Variants in RIC1 observed in about 807,000 individuals in gnomAD.
RIC1 encodes RIC1 partner of RAB6A GEF complex.
RIC1 carries 88 observed loss-of-function variants against 169.0 expected under a neutral mutation model. The ratio of observed to expected loss-of-function variants is 0.52; its 90% CI spans 0.44 to 0.62. The LOEUF (loss-of-function observed/expected upper bound fraction) is 0.62, where lower values mean the gene tolerates loss of function less well. Ranked by LOEUF, RIC1 falls within the 20% of genes least tolerant of loss-of-function variation. The pLI is 0.00. For missense variants in RIC1, 1,877 were observed against 1,725.5 expected (o/e 1.09, Z -1.56); for synonymous variants, 790 against 601.5 (o/e 1.31, Z -4.59).
chr9:5,768,824 C>T (rs958501555), intron 21 of RIC1, 146 bp from the exon 22 acceptor site: 21 of 827,992 alleles, frequency 2.5e-5, no homozygotes, highest in Non-Finnish European at 3.7e-5. Flanking sequence ...GGAGGAGAAG[C>T]GTTGATACTT....
intron 1 of RIC1, among the ~76,000 whole-genome samples, chr9:5,636,921 A>G (rs552607208): frequency 2.6e-5 from 4 of 152,324 alleles, no homozygotes; most frequent in African/African-American, 9.6e-5. Context: ...TGCCTTGTAC[A>G]AGGAAGATGT....
chr9:5,763,223 C>A lies in RIC1; in HGVS notation c.2196C>A (p.His732Gln), dbSNP rs761125996. The A allele has an allele frequency of 6.2e-7, 1 of 1,613,980 alleles. No individual in the cohort carries two copies. The highest frequency in any genetic ancestry group is 8.5e-7 in the Non-Finnish European group (1 of 1,180,026). Residue 732 changes from histidine (H) to glutamine (Q), a missense_variant, in exon 19 of 26, where the codon CAC (histidine) becomes CAA (glutamine). Coordinates refer to ENST00000414202, the MANE Select transcript of RIC1 (RefSeq NM_020829.4). This position sits in a 1 kb window ranked among gnomAD's most constrained non-coding sequence, Gnocchi z 5.2. ...GTCGAGCAAATAAACAGAAACGTCACCTTCTGGAGGCCCTCTGGCTGAGCT... is the reference window on the plus strand; with the variant it reads ...GTCGAGCAAATAAACAGAAACGTCAACTTCTGGAGGCCCTCTGGCTGAGCT... ...TTCRANKQKR[H>Q]LLEALWLSCG... is the part of the protein sequence containing the mutation.
chr9:5,646,931 T>C (rs1818547907), intron 1 of RIC1, among the ~76,000 whole-genome samples: 1 of 152,214 alleles, frequency 6.6e-6, no homozygotes, highest in African/African-American at 2.4e-5. Context: ...CTAAGAGTTT[T>C]ATAGGGTGAG....
intron 3 of RIC1, among the ~76,000 whole-genome samples, chr9:5,703,753 C>T (rs989141882): frequency 6.6e-6 from 1 of 152,196 alleles, no homozygotes; most frequent in Admixed American, 6.5e-5. Flanking sequence ...GGATTTACCA[C>T]AGGGTGTTTA....
rs62558089 is a variant in RIC1 at position 5,762,555 on chromosome 9, G to C, written c.2007G>C (p.Glu669Asp). 1.9e-6 allele frequency: 3 copies of C among 1,613,944 alleles called. No homozygotes were observed. Among genetic ancestry groups the C allele is most frequent in the Non-Finnish European group, 2.5e-6 (3 of 1,179,908 alleles). The change falls in exon 18 of 26, where the codon GAG (glutamate) becomes GAC (aspartate). Residue 669 changes from glutamate (E) to aspartate (D), a missense_variant. Physicochemically the swap from Glu to Asp is conservative, Grantham distance 45 (BLOSUM62 2). Around this residue, in one of 3 missense-constraint regions of RIC1, gnomAD observed 1,104 missense variants for 992.0 expected, o/e 1.11. Transcript: ENST00000414202. ...TTAAATTTCAGGCTCGTGGTGCAGAGAGCATTATGTTAAACCTGGCAGGAC... is the reference window on the plus strand; with the variant it reads ...TTAAATTTCAGGCTCGTGGTGCAGACAGCATTATGTTAAACCTGGCAGGAC... Reference protein sequence around the residue: ...LKMPQQARGAESIMLNLAGQL... With the variant: ...LKMPQQARGADSIMLNLAGQL...
intron 2 of RIC1, among the ~76,000 whole-genome samples, chr9:5,669,282 G>A (rs925066448): frequency 2.6e-5 from 4 of 151,908 alleles, no homozygotes; most frequent in Admixed American, 6.6e-5. Flanking sequence ...TCCCTCACCC[G>A]CCTCCCACCC....
chr9:5,676,846 T>G (rs191510859), intron 2 of RIC1, among the ~76,000 whole-genome samples: 3 of 152,252 alleles, frequency 2.0e-5, no homozygotes, highest in African/African-American at 7.2e-5. Context: ...ATTTTGAGAT[T>G]CATCCATTTT....
intron 2 of RIC1, among the ~76,000 whole-genome samples, chr9:5,688,661 G>A (rs905855752): frequency 2.6e-5 from 4 of 152,148 alleles, no homozygotes; most frequent in African/African-American, 9.7e-5. Context: ...AAATAGTAAA[G>A]TTAATGGTCA....
At chr9:5,777,937 A>G (rs563184420), downstream of RIC1, among the ~76,000 whole-genome samples, 246 of 152,288 alleles carry the variant, frequency 1.6e-3, no homozygotes, top group Non-Finnish European at 3.2e-3. Flanking sequence ...TGGCTATTCT[A>G]GGTCCCTTGT....
Position 5,741,193 on chromosome 9 carries a change from A to T in RIC1, c.902-1676A>T, listed in dbSNP as rs142451538. Among the ~76,000 whole-genome samples the T allele has an allele frequency of 1.4e-3, 220 of 152,256 alleles. 1 individual carries two copies. Among genetic ancestry groups the T allele is most frequent in the African/African-American group, 5.2e-3 (214 of 41,552 alleles). ...TTGGATTTCCATTGCAGCTATTGAG[A>T]GGTCCTCTGTCAAGTTGTCTTCTCT... is the stretch of plus-strand genomic sequence containing the variant. On this transcript the variant is annotated intron_variant, in intron 8 of 25. Transcript: ENST00000414202.
At chr9:5,638,731 G>A (rs996691286) in intron 1 of RIC1, among the ~76,000 whole-genome samples, 14 of 151,824 alleles carry the variant, frequency 9.2e-5, no homozygotes, top group African/African-American at 2.9e-4. Context: ...CTCTTTTAAG[G>A]TTTGTCAATT....
intron 2 of RIC1, among the ~76,000 whole-genome samples, chr9:5,664,185 G>C (rs765625623): frequency 3.9e-5 from 6 of 151,944 alleles, no homozygotes; most frequent in Non-Finnish European, 8.8e-5. Flanking sequence ...CAAGGCGGGC[G>C]GATAACGAGG....
intron 1 of RIC1, among the ~76,000 whole-genome samples, chr9:5,641,681 TGC>T (rs1818258749): frequency 8.7e-6 from 1 of 115,496 alleles, no homozygotes; most frequent in African/African-American, 5.2e-5. Context: ...TTCTTTCTTC[TGC>T]TTGATCAATT....
Position 5,770,229 on chromosome 9 carries a change from C to G in RIC1, c.3567C>G (p.Ser1189=), listed in dbSNP as rs748005838. 6.8e-6 allele frequency: 11 copies of G among 1,613,820 alleles called. No homozygotes were observed. Among genetic ancestry groups the G allele is most frequent in the Non-Finnish European group, 9.3e-6 (11 of 1,179,832 alleles). ...PTHHEIDTAS[S]HGPQMQDAFL... ...ATCATGAGATAGACACAGCTTCATCCCATGGACCACAAATGCAAGATGCCT... is the reference window on the plus strand; with the variant it reads ...ATCATGAGATAGACACAGCTTCATCGCATGGACCACAAATGCAAGATGCCT... Residue 1189 remains serine, a synonymous_variant, in exon 23 of 26, where the codon TCC becomes TCG. Coordinates refer to ENST00000414202, the MANE Select transcript of RIC1 (RefSeq NM_020829.4).
chr9:5,710,165 C>T (rs756046660), intron 3 of RIC1, among the ~76,000 whole-genome samples: 2 of 152,126 alleles, frequency 1.3e-5, no homozygotes, highest in Non-Finnish European at 2.9e-5. Context: ...GTTTTACCTG[C>T]AAACTCAGAA....
intron 1 of RIC1, among the ~76,000 whole-genome samples, chr9:5,633,065 G>A (rs1272079359): frequency 6.6e-6 from 1 of 152,190 alleles, no homozygotes; most frequent in African/African-American, 2.4e-5. Context: ...AGATATCACT[G>A]TTGTAGGTAG....
At chr9:5,674,040 T>A (rs1417949445) in intron 2 of RIC1, among the ~76,000 whole-genome samples, 1 of 152,174 alleles carries the variant, frequency 6.6e-6, no homozygotes, top group Non-Finnish European at 1.5e-5. Context: ...TTAGCAGGCA[T>A]TTACAGTATC....
chr9:5,673,157 A>G (rs186673982), intron 2 of RIC1, among the ~76,000 whole-genome samples: 1 of 152,140 alleles, frequency 6.6e-6, no homozygotes, highest in Non-Finnish European at 1.5e-5. Flanking sequence ...TGTTAGGTAT[A>G]TGCAATGCTT....
chr9:5,687,872 G>T (rs1479196015), intron 2 of RIC1, among the ~76,000 whole-genome samples: 2 of 152,062 alleles, frequency 1.3e-5, no homozygotes, highest in African/African-American at 2.4e-5. Context: ...GCTACATGAA[G>T]TTGTTCCTCA....
Sources: gnomAD v4.1 joint callset for allele counts (sites outside exome capture counted in the v4.1 genomes callset) on GRCh38, gnomAD v4.1.1 for gene constraint, gnomAD v4.1.1 regional missense constraint, Gnocchi (gnomAD v3.1) non-coding constraint, MANE v1.5 for transcripts, NCBI Gene and HGNC (gene_info 2026-07-23, HGNC 2026-07-21) for gene names.